The following POLR2D variants were observed in gnomAD, a reference collection of about 807,000 sequenced individuals.
POLR2D encodes DNA-directed RNA polymerase II subunit RPB4.
POLR2D carries 10 observed loss-of-function variants against 17.6 expected under a neutral mutation model. That is an observed-to-expected ratio of 0.57 (90% CI 0.35 to 0.96). The LOEUF is 0.96. Among genes scored for constraint, POLR2D ranks in the 40% least tolerant of loss-of-function variants. POLR2D has a pLI of 0.02. For synonymous variants in POLR2D, 52 were observed against 60.2 expected, an observed-to-expected ratio of 0.86 and a Z score of 0.63; for missense variants, 126 against 176.4, an observed-to-expected ratio of 0.71 and a Z score of 1.62.
Position 127,848,127 on chromosome 2 carries a change from T to G in POLR2D, c.409A>C (p.Lys137Gln), listed in dbSNP as rs1383859436. Residue 137 changes from lysine (K) to glutamine (Q), a missense_variant, in exon 4 of 4, where the codon AAG becomes CAG. Lys to Gln is a moderately conservative substitution (Grantham distance 53). Coordinates refer to ENST00000272645, the MANE Select transcript of POLR2D (RefSeq NM_004805.4). ...LQQILDDIQT[K>Q]RSFQY Reference sequence around the variant, plus strand: ...GGAGATTAATACTGAAAGCTGCGCTTTGTCTGGATATCATCAAGAATCTGC... The same window carrying G: ...GGAGATTAATACTGAAAGCTGCGCTGTGTCTGGATATCATCAAGAATCTGC... The G allele has an allele frequency of 6.2e-7, 1 of 1,611,534 alleles. No homozygotes were observed. Among genetic ancestry groups the G allele is most frequent in the Admixed American group, 1.7e-5 (1 of 60,016 alleles).
chr2:127,858,093 G>A lies in POLR2D; in HGVS notation c.8C>T (p.Ala3Val), dbSNP rs1217323027. 2.0e-6 allele frequency: 3 copies of A among 1,502,184 alleles called. No individual in the cohort carries two copies. The highest frequency in any genetic ancestry group is 8.9e-7 in the Non-Finnish European group (1 of 1,126,696). 93.1% of individuals were successfully genotyped at this position (1,502,184 alleles called of 1,614,324 possible). MAAGGSDPRAGDV... is the reference protein window; with the variant it reads MAVGGSDPRAGDV... ...GCCAGCCCGCGGATCGCTGCCACCC[G>A]CCGCCATCGCCGCGCCGCGCCGCGC... The change falls in exon 1 of 4, where the codon GCG becomes GTG. Residue 3 changes from alanine to valine, a missense_variant. Physicochemically the swap from Ala to Val is moderately conservative, Grantham distance 64 (BLOSUM62 0). This residue lies in a region of POLR2D where 41 missense variants were observed against 24.9 expected (regional missense o/e 1.64). Coordinates refer to ENST00000272645, the MANE Select transcript of POLR2D (RefSeq NM_004805.4).
In POLR2D at chr2:127,848,039, C is replaced by G; in HGVS notation, c.*68G>C. 9.4e-7 allele frequency: 1 copy of G among 1,060,804 alleles called. No homozygotes were observed. Among genetic ancestry groups the G allele is most frequent in the Non-Finnish European group, 1.5e-6 (1 of 675,806 alleles). The allele number at this position is 1,060,804 out of a possible 1,614,324, so 65.7% of individuals were successfully genotyped here. On this transcript the variant is annotated 3_prime_UTR_variant, in exon 4 of 4. Transcript: ENST00000272645. Reference sequence around the variant, plus strand: ...AACAGAATTTCTGTGCAAGTCAGCCCCAGACAGTGGGAAGGTGGTGTTATG... The same window carrying G: ...AACAGAATTTCTGTGCAAGTCAGCCGCAGACAGTGGGAAGGTGGTGTTATG...
chr2:127,845,747 A>G lies in POLR2D; in HGVS notation c.*2360T>C, dbSNP rs548726359. ...CAAATTCTTGCACTAATTTCTATGA[A>G]GCAAGCTGACTTAATCATCTATCTA... On this transcript the variant is annotated 3_prime_UTR_variant, in exon 4 of 4. Transcript: ENST00000272645. 1.3e-5 allele frequency: 2 copies of G among 152,312 alleles called. No homozygotes were observed. The highest frequency in any genetic ancestry group is 2.4e-5 in the African/African-American group (1 of 41,578). 9.4% of individuals were successfully genotyped at this position (152,312 alleles called of 1,614,324 possible).
intron 3 of POLR2D, among the ~76,000 whole-genome samples, chr2:127,848,535 C>G (rs1216616021): frequency 6.6e-6 from 1 of 151,900 alleles, no homozygotes; most frequent in African/African-American, 2.4e-5. Context: ...CTCAGCCTAC[C>G]AAACGGAGTC....
chr2:127,854,537 T>C lies in POLR2D; in HGVS notation c.74-1432A>G, dbSNP rs532114810. 2.0e-5 allele frequency among the ~76,000 whole-genome samples: 3 copies of C among 152,276 alleles called. No homozygotes were observed. In the East Asian group the frequency reaches 5.8e-4, roughly 29 times the overall value. On this transcript the variant is annotated intron_variant, in intron 1 of 3. Transcript: ENST00000272645. ...CTAACACCTCCCTCAGAGTAATGCC[T>C]TCCCATTTCTCAAGCCAGGTAACTG...
At chr2:127,848,958 C>T (rs1690200912) in intron 3 of POLR2D, among the ~76,000 whole-genome samples, 1 of 152,122 alleles carries the variant, frequency 6.6e-6, no homozygotes, top group Admixed American at 6.6e-5. Flanking sequence ...CCACGCCCGG[C>T]CCTGCATTTT....
At chr2:127,849,985 T>TG (rs1368326889) in intron 3 of POLR2D, among the ~76,000 whole-genome samples, 1 of 152,256 alleles carries the variant, frequency 6.6e-6, no homozygotes, top group African/African-American at 2.4e-5. Context: ...TTTTGGAACT[T>TG]GGAGTATATT....
At chr2:127,849,980 G>C (rs1303294054) in intron 3 of POLR2D, among the ~76,000 whole-genome samples, 1 of 152,158 alleles carries the variant, frequency 6.6e-6, no homozygotes, top group African/African-American at 2.4e-5. Flanking sequence ...TGGATTTTTG[G>C]AACTTGGAGT....
chr2:127,850,712 A>G (rs772524612), intron 2 of POLR2D, 27 bp from the exon 3 acceptor site: 2 of 1,089,542 alleles, frequency 1.8e-6, no homozygotes, highest in Non-Finnish European at 2.8e-6. Flanking sequence ...AAAAAAAATC[A>G]AAATAATCAA....
In POLR2D at chr2:127,845,348, C is replaced by T. The variant is rs1369119474; in HGVS notation, c.*2759G>A. On this transcript the variant is annotated 3_prime_UTR_variant, in exon 4 of 4. Transcript: ENST00000272645. ...TCAAGCATTAAAAAACGAAAGTTAA[C>T]TGTAGATTTGGGTAAGCAATTTCAC... 6.8e-6 allele frequency: 1 copy of T among 147,214 alleles called. No individual in the cohort carries two copies. The highest frequency in any genetic ancestry group is 1.5e-5 in the Non-Finnish European group (1 of 67,260). 9.1% of individuals were successfully genotyped at this position (147,214 alleles called of 1,614,324 possible).
At position 127,858,021 on chromosome 2, in the gene POLR2D, G is replaced by A; in HGVS notation, c.73+7C>T. On this transcript the variant is annotated splice_region_variant and intron_variant, in intron 1 of 3. Transcript: ENST00000272645. ...GCGCGGGGGAGTCTGGCAGCCCCGA[G>A]CCCAACCTTTAGGAAAGATGAGCTG... is the stretch of plus-strand genomic sequence containing the variant. The A allele has an allele frequency of 6.3e-7, 1 of 1,578,104 alleles. No individual in the cohort carries two copies.
At chr2:127,853,355 GATAC>G (rs755763521) in intron 1 of POLR2D, among the ~76,000 whole-genome samples, 15 of 152,090 alleles carry the variant, frequency 9.9e-5, no homozygotes, top group Non-Finnish European at 2.1e-4. Context: ...GCATAGTACT[GATAC>G]ATAGTTTTTC....
intron 3 of POLR2D, 83 bp from the exon 4 acceptor site, chr2:127,848,268 C>T: frequency 1.3e-6 from 1 of 780,532 alleles, no homozygotes; most frequent in Non-Finnish European, 2.2e-6. Context: ...AATCTACTGC[C>T]CACATCTCTA....
rs1690271448 is a variant in POLR2D at position 127,852,696 on chromosome 2, T to G, written c.254+229A>C. On this transcript the variant is annotated intron_variant, in intron 2 of 3. Transcript: ENST00000272645. This position sits in a 1 kb window ranked among gnomAD's most constrained non-coding sequence, Gnocchi z 4.0. Reference sequence around the variant, plus strand: ...TGTACCACCAGCTAATTTTTTGCATTTTTAGCAGAGACGGGTTTTTGCTAT... The same window carrying G: ...TGTACCACCAGCTAATTTTTTGCATGTTTAGCAGAGACGGGTTTTTGCTAT... Among the ~76,000 whole-genome samples, 1 of 152,204 alleles carries G rather than the reference T, an allele frequency of 6.6e-6. No individual in the cohort carries two copies. The highest frequency in any genetic ancestry group is 2.4e-5 in the African/African-American group (1 of 41,454).
intron 3 of POLR2D, 42 bp downstream of exon 3, chr2:127,850,548 A>G: frequency 3.6e-6 from 3 of 831,060 alleles, no homozygotes; most frequent in Non-Finnish European, 4.0e-6. Context: ...ATTTGTAGGA[A>G]TTTATCCAGT....
chr2:127,857,978 C>A (rs755429170), intron 1 of POLR2D, 50 bp downstream of exon 1: 3 of 1,563,052 alleles, frequency 1.9e-6, no homozygotes, highest in Non-Finnish European at 1.7e-6. Flanking sequence ...GCCAGGCCTG[C>A]GGCGACCACG....
chr2:127,845,229 T>C lies in POLR2D; in HGVS notation c.*2878A>G, dbSNP rs1450744132. 1 of 152,138 alleles carries C rather than the reference T, an allele frequency of 6.6e-6. No individual in the cohort carries two copies. The highest frequency in any genetic ancestry group is 1.5e-5 in the Non-Finnish European group (1 of 68,048). 9.4% of individuals were successfully genotyped at this position (152,138 alleles called of 1,614,324 possible). A position where few individuals can be genotyped will look rare whatever the true frequency, so the allele number is the denominator to read the frequency against. On this transcript the variant is annotated 3_prime_UTR_variant, in exon 4 of 4. Coordinates refer to ENST00000272645, the MANE Select transcript of POLR2D (RefSeq NM_004805.4). ...TGTAAGTGCCTCTCTCAAGAAATAA[T>C]TCTGCAGTACTCACTTTGGCAGCAC...
intron 3 of POLR2D, among the ~76,000 whole-genome samples, chr2:127,849,769 G>A (rs1052728636): frequency 6.6e-6 from 1 of 152,156 alleles, no homozygotes; most frequent in Non-Finnish European, 1.5e-5. Flanking sequence ...GCATGAGGCT[G>A]GGCACCGCGG....
chr2:127,857,871 G>A, intron 1 of POLR2D, 157 bp downstream of exon 1: 1 of 1,344,836 alleles, frequency 7.4e-7, no homozygotes, highest in Non-Finnish European at 9.5e-7. Flanking sequence ...CAAGGCCATG[G>A]TCCCTCCCAA....
Sources: allele counts gnomAD v4.1 joint callset (sites outside exome capture counted in the v4.1 genomes callset), GRCh38; gene constraint gnomAD v4.1.1; regional missense constraint gnomAD v4.1.1; non-coding constraint Gnocchi (gnomAD v3.1); transcripts MANE v1.5; gene names NCBI Gene and HGNC (gene_info 2026-07-23, HGNC 2026-07-21).